The following MTCH2 variants were observed in gnomAD, a reference collection of about 807,000 sequenced individuals.
MTCH2 encodes mitochondrial carrier 2, also known as mitochondrial carrier homolog 2.
MTCH2 carries 25 observed loss-of-function variants against 50.6 expected under a neutral mutation model. That is an observed-to-expected ratio of 0.49 (90% CI 0.36 to 0.69). The LOEUF (loss-of-function observed/expected upper bound fraction) is 0.69, where lower values mean the gene tolerates loss of function less well. Among genes scored for constraint, MTCH2 ranks in the 30% least tolerant of loss-of-function variants. The probability of loss-of-function intolerance (pLI) is 0.00; values close to 1 mark genes in which losing one functional copy is unlikely to be tolerated. For missense variants in MTCH2, 273 were observed against 384.4 expected (o/e 0.71, Z 2.42); for synonymous variants, 106 against 132.0 (o/e 0.80, Z 1.35).
downstream of MTCH2, among the ~76,000 whole-genome samples, chr11:47,612,841 G>A (rs2097286338): frequency 6.6e-6 from 1 of 152,016 alleles, no homozygotes; most frequent in Non-Finnish European, 1.5e-5. Flanking sequence ...CTCCTTTCAA[G>A]TTTAAAGGGA....
At chr11:47,641,253 G>A (rs906325607) in intron 1 of MTCH2, among the ~76,000 whole-genome samples, 3 of 152,140 alleles carry the variant, frequency 2.0e-5, no homozygotes, top group East Asian at 3.8e-4. Context: ...CCCCAAATGT[G>A]CCAATTCTGT....
At chr11:47,625,631 T>C (rs1451436414) in intron 11 of MTCH2, 43 bp downstream of exon 11, 1 of 1,180,570 alleles carries the variant, frequency 8.5e-7, no homozygotes, top group Non-Finnish European at 1.1e-6. Flanking sequence ...CCTGTCAGCA[T>C]ACAGTCAACC....
chr11:47,630,496 A>G (rs771171263), intron 8 of MTCH2, 59 bp downstream of exon 8: 12 of 1,380,968 alleles, frequency 8.7e-6, no homozygotes, highest in Middle Eastern at 1.8e-4. Flanking sequence ...CACTATTCTT[A>G]CTTTCAGAAA....
chr11:47,623,131 G>A (rs1598835875), intron 11 of MTCH2, among the ~76,000 whole-genome samples: 1 of 151,788 alleles, frequency 6.6e-6, no homozygotes, highest in African/African-American at 2.4e-5. Context: ...AGCACTTTGG[G>A]AGGCCAAGGC....
the MTCH2 span, among the ~76,000 whole-genome samples, chr11:47,609,431 C>G: frequency 7.0e-6 from 1 of 141,854 alleles, no homozygotes; most frequent in African/African-American, 2.7e-5. Flanking sequence ...GCACTCCAGC[C>G]TGGGCGACAG....
chr11:47,614,074 AAAAC>A (rs60286227), downstream of MTCH2, among the ~76,000 whole-genome samples: 324 of 151,408 alleles, frequency 2.1e-3, no homozygotes, highest in African/African-American at 6.5e-3. Context: ...CCTTGTCTCA[AAAAC>A]AAACAAACAA....
downstream of MTCH2, among the ~76,000 whole-genome samples, chr11:47,616,304 G>A (rs2097288371): frequency 6.6e-6 from 1 of 152,044 alleles, no homozygotes; most frequent in Non-Finnish European, 1.5e-5. Context: ...AACTTAGCTT[G>A]GTACCACAAA....
chr11:47,638,886 T>C, intron 2 of MTCH2, 81 bp from the exon 3 acceptor site: 2 of 1,575,568 alleles, frequency 1.3e-6, no homozygotes, highest in Admixed American at 3.5e-5. Context: ...ACAAGCTTTC[T>C]ATATATTTTC....
At chr11:47,613,279 AC>A (rs1175742148), downstream of MTCH2, among the ~76,000 whole-genome samples, 1 of 152,170 alleles carries the variant, frequency 6.6e-6, no homozygotes, top group Non-Finnish European at 1.5e-5. Context: ...AAGCTACTGC[AC>A]CCAGCACTTG....
At chr11:47,628,200 A>C (rs1565967581) in intron 9 of MTCH2, among the ~76,000 whole-genome samples, 1 of 152,200 alleles carries the variant, frequency 6.6e-6, no homozygotes, top group Non-Finnish European at 1.5e-5. Flanking sequence ...TGAGATAAGA[A>C]AGACAACTTC....
Position 47,639,068 on chromosome 11 carries a change from A to C in MTCH2, c.88-17T>G, listed in dbSNP as rs768604494. On this transcript the variant is annotated splice_polypyrimidine_tract_variant and intron_variant, in intron 1 of 12. Transcript: ENST00000302503. Reference sequence around the variant, plus strand: ...ATATCCCACCTTTAAAAACAATGGAATATATCAATATTAAAGCAATATTTC... The same window carrying C: ...ATATCCCACCTTTAAAAACAATGGACTATATCAATATTAAAGCAATATTTC... The C allele has an allele frequency of 5.3e-5, 84 of 1,574,190 alleles. No individual in the cohort carries two copies. Among genetic ancestry groups the C allele is most frequent in the Non-Finnish European group, 7.1e-5 (82 of 1,151,356 alleles).
At chr11:47,612,633 G>C (rs533860181), downstream of MTCH2, among the ~76,000 whole-genome samples, 7 of 151,324 alleles carry the variant, frequency 4.6e-5, no homozygotes, top group South Asian at 1.2e-3. Flanking sequence ...TGAGGTGGGA[G>C]AATCATCTGA....
chr11:47,631,143 T>C, intron 6 of MTCH2, 56 bp from the exon 7 acceptor site: 1 of 1,443,416 alleles, frequency 6.9e-7, no homozygotes, highest in Non-Finnish European at 9.7e-7. Flanking sequence ...GTGCGGTGGC[T>C]CACACCTGTA....
At chr11:47,635,624 GAA>G (rs2097307825) in intron 3 of MTCH2, 53 bp from the exon 4 acceptor site, 4 of 1,530,924 alleles carry the variant, frequency 2.6e-6, no homozygotes, top group Middle Eastern at 3.4e-4. Context: ...TCATGTGAAA[GAA>G]GACATAAAAT....
rs1260089999 is a variant in MTCH2, at chr11:47,638,719, C to A, written c.259G>T (p.Val87Phe). 6 of 1,614,104 alleles carry A rather than the reference C, an allele frequency of 3.7e-6. No individual in the cohort carries two copies. The highest frequency in any genetic ancestry group is 5.1e-6 in the Non-Finnish European group (6 of 1,179,932). The change falls in exon 3 of 13, where the codon GTC becomes TTC. Residue 87 changes from valine to phenylalanine, a missense_variant. By Grantham distance (50) the Val-to-Phe change is conservative. This residue lies in a region of MTCH2 where 203 missense variants were observed against 244.3 expected (regional missense o/e 0.83). Transcript: ENST00000302503. ...RLCSGVLGTV[V>F]HGKVLQHYQE... ...CTTACCTGTAAAACTTTACCATGGA[C>A]CACAGTTCCAAGGACTCCCGAACAC...
intron 5 of MTCH2, among the ~76,000 whole-genome samples, chr11:47,633,983 A>C (rs1487568325): frequency 6.6e-6 from 1 of 152,186 alleles, no homozygotes; most frequent in African/African-American, 2.4e-5. Context: ...TGGGGGTGGG[A>C]AATGGGTGAT....
chr11:47,618,858 C>A lies in MTCH2; in HGVS notation c.887G>T (p.Cys296Phe), dbSNP rs747861828. 2.8e-5 allele frequency: 45 copies of A among 1,613,922 alleles called. No individual in the cohort carries two copies. Among genetic ancestry groups the A allele is most frequent in the Non-Finnish European group, 9.3e-6 (11 of 1,179,944 alleles). The change falls in exon 13 of 13, where the codon TGT (cysteine) becomes TTT (phenylalanine). Residue 296 changes from cysteine (C) to phenylalanine (F), a missense_variant. This residue lies in a region of MTCH2 where 70 missense variants were observed against 140.1 expected (regional missense o/e 0.50). Transcript: ENST00000302503. ...FRKVPFGKTYCCDLKMLI is the reference protein window; with the variant it reads ...FRKVPFGKTYFCDLKMLI ...TCAAATTAACATTTTCAGGTCACAA[C>A]AATAAGTCTTCCCAAAGGGGACCTT...
chr11:47,622,632 A>C (rs1003056546), intron 12 of MTCH2, 69 bp downstream of exon 12: 4 of 1,258,506 alleles, frequency 3.2e-6, no homozygotes, highest in Non-Finnish European at 3.3e-6. Flanking sequence ...TTCCAGAGAC[A>C]ATATTTAAGA....
intron 5 of MTCH2, among the ~76,000 whole-genome samples, chr11:47,633,150 C>T (rs543501215): frequency 1.9e-4 from 26 of 140,074 alleles, no homozygotes; most frequent in Non-Finnish European, 3.2e-4. Flanking sequence ...CTCGCTGTCT[C>T]CCAGGCTGGA....
Sources: allele counts gnomAD v4.1 joint callset (sites outside exome capture counted in the v4.1 genomes callset), GRCh38; gene constraint gnomAD v4.1.1; regional missense constraint gnomAD v4.1.1; transcripts MANE v1.5; gene names NCBI Gene and HGNC (gene_info 2026-07-23, HGNC 2026-07-21).